Variants in PROS1 observed in about 807,000 individuals in gnomAD.
PROS1 encodes vitamin K-dependent protein S.
A neutral mutation model predicts 75.9 loss-of-function variants in PROS1; 29 were observed. The ratio of observed to expected loss-of-function variants is 0.38; its 90% CI spans 0.28 to 0.52. The LOEUF (loss-of-function observed/expected upper bound fraction) is 0.52, where lower values mean the gene tolerates loss of function less well. PROS1 is among the 20% of genes least tolerant of loss of function. The pLI is 0.83. For missense variants in PROS1, 680 were observed against 810.3 expected, an observed-to-expected ratio of 0.84 and a Z score of 1.95; for synonymous variants, 245 against 280.6, an observed-to-expected ratio of 0.87 and a Z score of 1.27.
At chr3:93,971,627 CCACACACACACACACACA>C (rs748664337) in intron 1 of PROS1, among the ~76,000 whole-genome samples, 2 of 124,456 alleles carry the variant, frequency 1.6e-5, no homozygotes, top group South Asian at 2.9e-4. Flanking sequence ...AAAATAAAAA[CCACACACACACACACACA>C]CACACACACA....
intron 1 of PROS1, among the ~76,000 whole-genome samples, chr3:93,938,075 G>C (rs1274134224): frequency 4.6e-5 from 7 of 152,268 alleles, no homozygotes; most frequent in Non-Finnish European, 8.8e-5. Flanking sequence ...CTGAGCCCAA[G>C]CTAACCCATC....
chr3:93,902,467 T>C (rs1330996744), intron 6 of PROS1, among the ~76,000 whole-genome samples: 1 of 152,188 alleles, frequency 6.6e-6, no homozygotes, highest in Non-Finnish European at 1.5e-5. Flanking sequence ...GGTTGTATTC[T>C]TTCAGCTGGG....
chr3:93,930,604 A>G (rs1305869524), intron 1 of PROS1, among the ~76,000 whole-genome samples: 1 of 152,210 alleles, frequency 6.6e-6, no homozygotes, highest in Admixed American at 6.5e-5. Context: ...ATGGGCCCCA[A>G]CTAAAGGGTA....
At chr3:93,951,688 T>A (rs886855995) in intron 1 of PROS1, among the ~76,000 whole-genome samples, 2 of 152,154 alleles carry the variant, frequency 1.3e-5, no homozygotes, top group African/African-American at 2.4e-5. Context: ...CTGCATCAGC[T>A]AACGAGCAAA....
At chr3:93,970,654 T>C (rs1032198480) in intron 1 of PROS1, among the ~76,000 whole-genome samples, 1 of 152,006 alleles carries the variant, frequency 6.6e-6, no homozygotes, top group Non-Finnish European at 1.5e-5. Context: ...ACAGTATATA[T>C]GTTAAATATA....
At chr3:93,895,525 T>G (rs550770465) in intron 9 of PROS1, among the ~76,000 whole-genome samples, 1 of 152,370 alleles carries the variant, frequency 6.6e-6, no homozygotes, top group African/African-American at 2.4e-5. Context: ...AGTTGAATTA[T>G]TTAATGAATA....
chr3:93,952,738 C>T (rs1477965143), intron 1 of PROS1, among the ~76,000 whole-genome samples: 1 of 152,100 alleles, frequency 6.6e-6, no homozygotes, highest in African/African-American at 2.4e-5. Flanking sequence ...CAGAGCAGAA[C>T]TGAAGGAGAT....
intron 1 of PROS1, among the ~76,000 whole-genome samples, chr3:93,957,523 G>T (rs1266147045): frequency 1.3e-5 from 2 of 152,158 alleles, no homozygotes; most frequent in Non-Finnish European, 2.9e-5. Context: ...GTTAATAATG[G>T]ATTGTATGTT....
intron 12 of PROS1, among the ~76,000 whole-genome samples, chr3:93,881,902 A>T (rs1376648185): frequency 6.6e-6 from 1 of 152,076 alleles, no homozygotes; most frequent in Non-Finnish European, 1.5e-5. Context: ...TTAAAATGTA[A>T]TTTTTTTCTT....
rs778473220 is a variant in PROS1, at chr3:93,886,328, A to C, written c.1323+8T>G. ...TCCATGATGAATGATACAAGCTTGG[A>C]TCATTACCGGTTTAATGAGTTCACT... is the stretch of plus-strand genomic sequence containing the variant. On this transcript the variant is annotated splice_region_variant and intron_variant, in intron 11 of 14. Transcript: ENST00000394236. 1.1e-5 allele frequency: 18 copies of C among 1,612,366 alleles called. No individual in the cohort carries two copies. The Admixed American group carries it at 3.0e-4, about 27-fold the overall frequency.
intron 1 of PROS1, among the ~76,000 whole-genome samples, 162 bp from the exon 2 acceptor site, chr3:93,927,569 T>C (rs1249250298): frequency 6.6e-6 from 1 of 152,124 alleles, no homozygotes; most frequent in Non-Finnish European, 1.5e-5. Flanking sequence ...AGAAGCACGT[T>C]GGTTAACAAT....
chr3:93,892,427 C>G (rs1246008444), intron 10 of PROS1, among the ~76,000 whole-genome samples: 1 of 151,892 alleles, frequency 6.6e-6, no homozygotes, highest in Admixed American at 6.6e-5. Flanking sequence ...GAGTTCGAGA[C>G]CAGCTGGACC....
chr3:93,915,013 C>G (rs1427201045), intron 3 of PROS1, among the ~76,000 whole-genome samples: 2 of 152,210 alleles, frequency 1.3e-5, no homozygotes, highest in Non-Finnish European at 2.9e-5. Flanking sequence ...GAAATGGTAA[C>G]TTGGGACACA....
chr3:93,908,434 G>A (rs796396410), intron 4 of PROS1, among the ~76,000 whole-genome samples: 14 of 152,222 alleles, frequency 9.2e-5, no homozygotes, highest in African/African-American at 3.4e-4. Context: ...TTGGAGTTTG[G>A]GGAGATCAAA....
intron 11 of PROS1, among the ~76,000 whole-genome samples, chr3:93,885,873 C>T (rs749743817): frequency 1.5e-4 from 23 of 152,206 alleles, no homozygotes; most frequent in Non-Finnish European, 3.2e-4. Context: ...CAATAAATTT[C>T]ACCTTATGTG....
chr3:93,906,755 C>G (rs568026104), intron 4 of PROS1, among the ~76,000 whole-genome samples: 5 of 152,238 alleles, frequency 3.3e-5, no homozygotes, highest in Non-Finnish European at 7.3e-5. Context: ...CCACCACAGG[C>G]TCAGAAGTGC....
chr3:93,902,194 G>A (rs1379027181), intron 6 of PROS1, among the ~76,000 whole-genome samples: 16 of 152,168 alleles, frequency 1.1e-4, no homozygotes, highest in Non-Finnish European at 2.1e-4. Flanking sequence ...TTGTTACTAA[G>A]GAGGATAAGG....
At chr3:93,926,371 C>G (rs1709017003) in intron 2 of PROS1, among the ~76,000 whole-genome samples, 1 of 152,158 alleles carries the variant, frequency 6.6e-6, no homozygotes, top group Non-Finnish European at 1.5e-5. Flanking sequence ...GTGGCTCATG[C>G]CTGTAATCTC....
intron 1 of PROS1, among the ~76,000 whole-genome samples, chr3:93,965,711 T>C (rs796800691): frequency 2.0e-5 from 3 of 152,172 alleles, no homozygotes; most frequent in African/African-American, 7.2e-5. Context: ...CTATTTTTAT[T>C]TTTTATAGAG....
Sources: gnomAD v4.1 joint callset for allele counts (sites outside exome capture counted in the v4.1 genomes callset) on GRCh38, gnomAD v4.1.1 for gene constraint, MANE v1.5 for transcripts, NCBI Gene and HGNC (gene_info 2026-07-23, HGNC 2026-07-21) for gene names.